The following KCNB2 variants were observed in gnomAD, a reference collection of about 807,000 sequenced individuals.
KCNB2 encodes the protein potassium voltage-gated channel subfamily B member 2.
Under a neutral mutation model 61.5 loss-of-function variants are expected in KCNB2, and 15 were observed. That is an observed-to-expected ratio of 0.24 (90% CI 0.16 to 0.38). The LOEUF is 0.38. Ranked by LOEUF, KCNB2 falls within the 10% of genes least tolerant of loss-of-function variation. The pLI is 1.00. For missense variants in KCNB2, 828 were observed against 1,125.2 expected (o/e 0.74, Z 3.78); for synonymous variants, 457 against 446.0 (o/e 1.02, Z -0.31).
In KCNB2 at chr8:72,747,374, C is replaced by T. The variant is rs192198573; in HGVS notation, c.579+179061C>T. Among the ~76,000 whole-genome samples the T allele has an allele frequency of 6.6e-5, 10 of 152,252 alleles. No homozygotes were observed. In the East Asian group the frequency reaches 1.4e-3, roughly 21 times the overall value. On this transcript the variant is annotated intron_variant, in intron 2 of 2. Transcript: ENST00000523207. ...GTGGCCCAGATCGTAAGAGCTTGAG[C>T]TCCATAGAGGAGGTGGTTGGGGGTA...
chr8:72,781,703 T>G (rs1327871215), intron 2 of KCNB2, among the ~76,000 whole-genome samples: 1 of 152,206 alleles, frequency 6.6e-6, no homozygotes, highest in Non-Finnish European at 1.5e-5. Flanking sequence ...GACTCTTATT[T>G]GGTTCCATAT....
At chr8:72,908,380 A>T (rs1216937174) in intron 2 of KCNB2, among the ~76,000 whole-genome samples, 1 of 152,132 alleles carries the variant, frequency 6.6e-6, no homozygotes, top group Admixed American at 6.6e-5. Flanking sequence ...TTTTACTATT[A>T]TCTATCTCCC....
At chr8:72,551,930 A>G (rs1022854324) in intron 1 of KCNB2, among the ~76,000 whole-genome samples, 5 of 152,140 alleles carry the variant, frequency 3.3e-5, no homozygotes, top group African/African-American at 1.2e-4. Flanking sequence ...GGCCCAAGTC[A>G]AGTTCTAGGT....
intron 2 of KCNB2, among the ~76,000 whole-genome samples, chr8:72,585,509 A>G (rs1346171361): frequency 6.6e-6 from 1 of 152,198 alleles, no homozygotes; most frequent in East Asian, 1.9e-4. Flanking sequence ...CACATGATCA[A>G]TAAATGCTTA....
At chr8:72,798,687 C>A (rs1344304708) in intron 2 of KCNB2, among the ~76,000 whole-genome samples, 1 of 152,090 alleles carries the variant, frequency 6.6e-6, no homozygotes, top group African/African-American at 2.4e-5. Flanking sequence ...ATTGGTATTC[C>A]ATTTCTATTT....
intron 2 of KCNB2, among the ~76,000 whole-genome samples, chr8:72,810,640 G>A (rs919584480): frequency 2.0e-5 from 3 of 152,232 alleles, no homozygotes; most frequent in Non-Finnish European, 2.9e-5. Context: ...ATAGCTATTA[G>A]AGGAGGACAG....
rs1473292317 is a variant in KCNB2 at position 72,640,066 on chromosome 8, C to A, written c.579+71753C>A. On this transcript the variant is annotated intron_variant, in intron 2 of 2. Coordinates refer to ENST00000523207, the MANE Select transcript of KCNB2 (RefSeq NM_004770.3). Reference sequence around the variant, plus strand: ...CATTGCATGAGTCTAGCATTATAGCCCAAGATGGTATGGGGTGGCCCTGAT... The same window carrying A: ...CATTGCATGAGTCTAGCATTATAGCACAAGATGGTATGGGGTGGCCCTGAT... Among the ~76,000 whole-genome samples the A allele has an allele frequency of 2.6e-5, 4 of 151,644 alleles. No individual in the cohort carries two copies. In the East Asian group the frequency reaches 7.7e-4, roughly 29 times the overall value.
chr8:72,609,043 G>A (rs908025798), intron 2 of KCNB2, among the ~76,000 whole-genome samples: 3 of 152,184 alleles, frequency 2.0e-5, no homozygotes, highest in African/African-American at 7.2e-5. Flanking sequence ...GAGTAGAATT[G>A]TTTCATAGAG....
rs551486172 is a variant in KCNB2, at chr8:72,807,487, C to T, written c.580-128448C>T. On this transcript the variant is annotated intron_variant, in intron 2 of 2. Coordinates refer to ENST00000523207, the MANE Select transcript of KCNB2 (RefSeq NM_004770.3). Reference sequence around the variant, plus strand: ...GCACCATTCACCCTAAGTAGACATTCGGAATGGCTCTGTGGGCAGCTGTGT... The same window carrying T: ...GCACCATTCACCCTAAGTAGACATTTGGAATGGCTCTGTGGGCAGCTGTGT... Among the ~76,000 whole-genome samples the T allele has an allele frequency of 1.7e-3, 265 of 152,280 alleles. 1 individual carries two copies. Among genetic ancestry groups the T allele is most frequent in the African/African-American group, 3.7e-3 (152 of 41,562 alleles).
chr8:72,934,394 C>CTGAA (rs1806856657), intron 2 of KCNB2, among the ~76,000 whole-genome samples: 1 of 83,852 alleles, frequency 1.2e-5, no homozygotes, highest in Non-Finnish European at 2.1e-5. Flanking sequence ...TCACCCCCCG[C>CTGAA]AAAAAAAAAA....
Position 72,711,103 on chromosome 8 carries a change from A to T in KCNB2, c.579+142790A>T, listed in dbSNP as rs117057798. ...CTCACTGCAGGACCCTGACTGATGG[A>T]GCGCCAGTATCTAGAAAGTTGCTGA... On this transcript the variant is annotated intron_variant, in intron 2 of 2. Coordinates refer to ENST00000523207, the MANE Select transcript of KCNB2 (RefSeq NM_004770.3). Among the ~76,000 whole-genome samples the T allele has an allele frequency of 3.7e-4, 57 of 152,350 alleles. 1 individual carries two copies. The East Asian group carries it at 0.011, about 29-fold the overall frequency.
intron 2 of KCNB2, among the ~76,000 whole-genome samples, chr8:72,835,512 G>A (rs891383000): frequency 6.6e-6 from 1 of 152,150 alleles, no homozygotes; most frequent in Non-Finnish European, 1.5e-5. Context: ...ATCTTTTAAG[G>A]TTGGCACTGA....
intron 1 of KCNB2, among the ~76,000 whole-genome samples, chr8:72,547,475 G>A (rs1806276061): frequency 6.6e-6 from 1 of 152,220 alleles, no homozygotes; most frequent in South Asian, 2.1e-4. Context: ...GAACGTTTGT[G>A]ATTGATGGGA....
chr8:72,609,786 C>T (rs926547585), intron 2 of KCNB2, among the ~76,000 whole-genome samples: 11 of 152,134 alleles, frequency 7.2e-5, no homozygotes, highest in Non-Finnish European at 1.6e-4. Flanking sequence ...TATGTGTGCA[C>T]TTATGTAAAC....
In KCNB2 at chr8:72,554,018, C is replaced by T. The variant is rs530422040; in HGVS notation, c.-93-13624C>T. ...ACAAAGCCCCATGAATTAAAATATC[C>T]GTGTCATTTGCTGGTACTTTATATT... On this transcript the variant is annotated intron_variant, in intron 1 of 2. Coordinates refer to ENST00000523207, the MANE Select transcript of KCNB2 (RefSeq NM_004770.3). Among the ~76,000 whole-genome samples, 7 of 152,070 alleles carry T rather than the reference C, an allele frequency of 4.6e-5. No individual in the cohort carries two copies. The South Asian group carries it at 1.5e-3, about 32-fold the overall frequency.
At chr8:72,593,646 G>A (rs547617423) in intron 2 of KCNB2, among the ~76,000 whole-genome samples, 3 of 152,316 alleles carry the variant, frequency 2.0e-5, no homozygotes, top group African/African-American at 7.2e-5. Context: ...AGGAGGCTGT[G>A]TCAGATATAG....
intron 2 of KCNB2, among the ~76,000 whole-genome samples, chr8:72,918,642 A>G (rs1806446393): frequency 6.6e-6 from 1 of 152,196 alleles, no homozygotes; most frequent in Admixed American, 6.5e-5. Context: ...AATTTTGTAT[A>G]TTTTATTATG....
chr8:72,841,129 C>G lies in KCNB2; in HGVS notation c.580-94806C>G, dbSNP rs578064381. Among the ~76,000 whole-genome samples, 46 of 152,244 alleles carry G rather than the reference C, an allele frequency of 3.0e-4. No homozygotes were observed. The South Asian group carries it at 9.1e-3, about 30-fold the overall frequency. ...CTTCTGTTTTCTGCATATGGCTGGC[C>G]AGTTTTCCCAACACCATTTATTAAA... On this transcript the variant is annotated intron_variant, in intron 2 of 2. Transcript: ENST00000523207.
At chr8:72,622,191 G>A (rs1266421115) in intron 2 of KCNB2, among the ~76,000 whole-genome samples, 1 of 152,112 alleles carries the variant, frequency 6.6e-6, no homozygotes, top group Admixed American at 6.5e-5. Flanking sequence ...CTTTTCTGAG[G>A]CTTTTTTTGT....
Sources: gnomAD v4.1 joint callset for allele counts (sites outside exome capture counted in the v4.1 genomes callset) on GRCh38, gnomAD v4.1.1 for gene constraint, MANE v1.5 for transcripts, NCBI Gene and HGNC (gene_info 2026-07-23, HGNC 2026-07-21) for gene names.